Variants in DNAAF6 observed in about 807,000 individuals in gnomAD.
DNAAF6 encodes the protein PIH1 domain containing 3.
A neutral mutation model predicts 13.7 loss-of-function variants in DNAAF6; 3 were observed. The ratio of observed to expected loss-of-function variants is 0.22; its 90% CI spans 0.10 to 0.56. The LOEUF is 0.56. DNAAF6 is among the 20% of genes least tolerant of loss of function. The pLI is 0.92. For synonymous variants in DNAAF6, 54 were observed against 49.2 expected, an observed-to-expected ratio of 1.10 and a Z score of -0.41; for missense variants, 130 against 151.0, an observed-to-expected ratio of 0.86 and a Z score of 0.73.
intron 2 of DNAAF6, among the ~76,000 whole-genome samples, chrX:107,216,461 A>G (rs1249248517): frequency 8.9e-6 from 1 of 112,063 alleles, no homozygotes; most frequent in Non-Finnish European, 1.9e-5. Flanking sequence ...TCTTGAGTCT[A>G]TTAAACCAAA....
At chrX:107,209,474 C>T (rs917435657) in intron 1 of DNAAF6, among the ~76,000 whole-genome samples, 2 of 111,541 alleles carry the variant, frequency 1.8e-5, no homozygotes, top group African/African-American at 6.5e-5. Flanking sequence ...CTCTCTGTCA[C>T]CCAGGCTGGA....
chrX:107,213,030 T>G lies in DNAAF6; in HGVS notation c.153+2T>G. 8.4e-7 allele frequency: 1 copy of G among 1,188,462 alleles called. No individual in the cohort carries two copies. Among genetic ancestry groups the G allele is most frequent in the Non-Finnish European group, 1.1e-6 (1 of 886,480 alleles). On this transcript the variant is annotated splice_donor_variant, in intron 2 of 6. Transcript: ENST00000372453. LOFTEE classifies it high-confidence loss of function. ...GAGGATGATTCTGACTATGGACAGG[T>G]GGTCATATACTTAACAGTTGAATTA...
intron 5 of DNAAF6, among the ~76,000 whole-genome samples, chrX:107,236,996 T>C (rs192086137): frequency 8.7e-4 from 97 of 111,911 alleles, no homozygotes; most frequent in African/African-American, 2.9e-3. Flanking sequence ...GCATCTCTGA[T>C]TATGAAGATC....
intron 1 of DNAAF6, chrX:107,207,095 C>T (rs1307500832): frequency 9.0e-6 from 1 of 111,497 alleles, no homozygotes; most frequent in African/African-American, 3.3e-5. Context: ...ATAGGAGGAC[C>T]TGGGTGCTCC....
rs189861749 is a variant in DNAAF6 at position 107,219,836 on chromosome X, G to A, written c.332+867G>A. 9.1e-3 allele frequency among the ~76,000 whole-genome samples: 959 copies of A among 105,323 alleles called. 5 individuals carry two copies. The highest frequency in any genetic ancestry group is 0.013 in the Non-Finnish European group (656 of 51,799). The allele number at this position is 105,323 out of a possible 115,157, so 91.5% of individuals were successfully genotyped here. A position where few individuals can be genotyped will look rare whatever the true frequency, so the allele number is the denominator to read the frequency against. Reference sequence around the variant, plus strand: ...TTTTTAGACAGAGTCTTGCTCTGTCGCCCAGGCTGGAGTGCAGTGGCACAA... The same window carrying A: ...TTTTTAGACAGAGTCTTGCTCTGTCACCCAGGCTGGAGTGCAGTGGCACAA... On this transcript the variant is annotated intron_variant, in intron 4 of 6. Coordinates refer to ENST00000372453, the MANE Select transcript of DNAAF6 (RefSeq NM_173494.2).
At chrX:107,208,264 T>C (rs1268466722) in intron 1 of DNAAF6, among the ~76,000 whole-genome samples, 1 of 109,481 alleles carries the variant, frequency 9.1e-6, no homozygotes, top group Non-Finnish European at 1.9e-5. Context: ...CGAAACCCCG[T>C]CTCTACAAAT....
At chrX:107,235,963 C>CAAAAAT (rs200802687) in intron 5 of DNAAF6, among the ~76,000 whole-genome samples, 1 of 107,797 alleles carries the variant, frequency 9.3e-6, no homozygotes, top group African/African-American at 3.4e-5. Flanking sequence ...CCCATCTCTA[C>CAAAAAT]AAAAATAAAA....
At position 107,222,938 on chromosome X, in the gene DNAAF6, C is replaced by T. The variant is rs776460216; in HGVS notation, c.429+97C>T. The T allele has an allele frequency of 4.9e-6, 5 of 1,030,629 alleles. No homozygotes were observed. The South Asian group carries it at 1.8e-4, about 37-fold the overall frequency. The allele number at this position is 1,030,629 out of a possible 1,213,427, so 84.9% of individuals were successfully genotyped here. ...AATATTGTAGGCAAGGTTGTAAACT[C>T]TTTAAAAATCGTGGTTGCTATGTTT... On this transcript the variant is annotated intron_variant, in intron 5 of 6. Coordinates refer to ENST00000372453, the MANE Select transcript of DNAAF6 (RefSeq NM_173494.2).
chrX:107,227,749 T>G (rs777809290), intron 5 of DNAAF6, among the ~76,000 whole-genome samples: 2 of 111,340 alleles, frequency 1.8e-5, no homozygotes, highest in East Asian at 5.6e-4. Context: ...CCTTAAAAGC[T>G]AATCTAATCA....
At chrX:107,219,074 A>C in intron 4 of DNAAF6, 105 bp downstream of exon 4, 1 of 951,477 alleles carries the variant, frequency 1.1e-6, no homozygotes, top group South Asian at 3.8e-5. Flanking sequence ...ACCACATAAA[A>C]GATAAAACTA....
At chrX:107,230,273 T>C (rs1928358238) in intron 5 of DNAAF6, among the ~76,000 whole-genome samples, 1 of 111,975 alleles carries the variant, frequency 8.9e-6, no homozygotes, top group African/African-American at 3.2e-5. Context: ...ATCATGTTAC[T>C]AACGATCATC....
rs760092680 is a variant in DNAAF6, at chrX:107,231,142, TA to T, written c.430-7773del. ...TAATAGAGATACACTATTCAGCCAT[TA>T]AAAAAAGAGATCCTGTCATTTGAAA... On this transcript the variant is annotated intron_variant, in intron 5 of 6. Coordinates refer to ENST00000372453, the MANE Select transcript of DNAAF6 (RefSeq NM_173494.2). Among the ~76,000 whole-genome samples the T allele has an allele frequency of 3.6e-5, 4 of 111,695 alleles. No homozygotes were observed. The South Asian group carries it at 1.1e-3, about 31-fold the overall frequency.
chrX:107,235,830 C>G (rs938025075), intron 5 of DNAAF6, among the ~76,000 whole-genome samples: 13 of 110,833 alleles, frequency 1.2e-4, no homozygotes, highest in African/African-American at 4.3e-4. Context: ...GACCAGTAAA[C>G]AATAAATAAT....
chrX:107,217,985 G>A (rs1041717357), intron 3 of DNAAF6, among the ~76,000 whole-genome samples: 2 of 112,408 alleles, frequency 1.8e-5, no homozygotes, highest in Non-Finnish European at 3.8e-5. Context: ...TATGTAAAAT[G>A]TTATATATAA....
chrX:107,239,748 C>T (rs1928588862), intron 6 of DNAAF6, among the ~76,000 whole-genome samples: 1 of 111,844 alleles, frequency 8.9e-6, no homozygotes, highest in African/African-American at 3.2e-5. Context: ...ATGCATTTAA[C>T]CCAAAATGGT....
Position 107,213,034 on chromosome X carries a change from C to T in DNAAF6, c.153+6C>T. On this transcript the variant is annotated splice_donor_region_variant and intron_variant, in intron 2 of 6. Coordinates refer to ENST00000372453, the MANE Select transcript of DNAAF6 (RefSeq NM_173494.2). ...ATGATTCTGACTATGGACAGGTGGT[C>T]ATATACTTAACAGTTGAATTAGTTT... The T allele has an allele frequency of 8.5e-7, 1 of 1,175,692 alleles. No individual in the cohort carries two copies. The highest frequency in any genetic ancestry group is 1.1e-6 in the Non-Finnish European group (1 of 879,624).
intron 5 of DNAAF6, among the ~76,000 whole-genome samples, chrX:107,224,728 A>C (rs912095574): frequency 9.1e-6 from 1 of 110,297 alleles, no homozygotes; most frequent in Non-Finnish European, 1.9e-5. Flanking sequence ...GATAACAGTC[A>C]GCAATAATTT....
chrX:107,219,756 G>C (rs932885467), intron 4 of DNAAF6, among the ~76,000 whole-genome samples: 1 of 110,215 alleles, frequency 9.1e-6, no homozygotes, highest in African/African-American at 3.3e-5. Context: ...TCTATGGCAA[G>C]TGATCTGACA....
intron 3 of DNAAF6, 67 bp downstream of exon 3, chrX:107,216,810 A>G (rs1928001398): frequency 3.9e-6 from 3 of 778,876 alleles, no homozygotes; most frequent in Non-Finnish European, 5.5e-6. Context: ...TTATAGGGAG[A>G]GTAATAAGTA....
Sources: allele counts gnomAD v4.1 joint callset (sites outside exome capture counted in the v4.1 genomes callset), GRCh38; gene constraint gnomAD v4.1.1; transcripts MANE v1.5; gene names NCBI Gene and HGNC (gene_info 2026-07-23, HGNC 2026-07-21).